Variants in ATCAY observed in about 807,000 individuals in gnomAD.
ATCAY encodes the protein caytaxin.
A neutral mutation model predicts 47.7 loss-of-function variants in ATCAY; 22 were observed. That is an observed-to-expected ratio of 0.46 (90% CI 0.33 to 0.66). The LOEUF (loss-of-function observed/expected upper bound fraction) is 0.66, where lower values mean the gene tolerates loss of function less well. ATCAY is among the 30% of genes least tolerant of loss of function. ATCAY has a pLI of 0.02. For synonymous variants in ATCAY, 216 were observed against 207.6 expected (o/e 1.04, Z -0.35); for missense variants, 452 against 515.0 (o/e 0.88, Z 1.18).
rs1265421607 is a variant in ATCAY at position 3,905,521 on chromosome 19, G to A, written c.224G>A (p.Ser75Asn). ...APEINISLDQ[S>N]EGSLLSDDFL... is the part of the protein sequence containing the mutation. ...GAGATCAACATTTCTCTGGATCAGA[G>A]TGAGGGGTCCCTGCTGTCCGATGAC... Residue 75 changes from serine to asparagine, a missense_variant, in exon 4 of 13, where the codon AGT (serine) becomes AAT (asparagine). Physicochemically the swap from Ser to Asn is conservative, Grantham distance 46. Transcript: ENST00000450849. 3 of 1,614,002 alleles carry A rather than the reference G, an allele frequency of 1.9e-6. No homozygotes were observed. The highest frequency in any genetic ancestry group is 2.5e-6 in the Non-Finnish European group (3 of 1,179,878).
intron 2 of ATCAY, 45 bp from the exon 3 acceptor site, chr19:3,902,442 C>A: frequency 1.3e-6 from 2 of 1,548,348 alleles, no homozygotes; most frequent in Non-Finnish European, 1.7e-6. Context: ...CTGCCTGAAT[C>A]TCTGGTGCCC....
intron 2 of ATCAY, chr19:3,893,535 G>A (rs2038737692): frequency 6.6e-6 from 1 of 152,134 alleles, no homozygotes; most frequent in Non-Finnish European, 1.5e-5. Context: ...CGGCTCTGCA[G>A]AGGGCTAAGT....
intron 2 of ATCAY, among the ~76,000 whole-genome samples, chr19:3,896,579 T>C (rs1225301394): frequency 6.6e-6 from 1 of 151,832 alleles, no homozygotes; most frequent in Non-Finnish European, 1.5e-5. Context: ...AGATGCTTTC[T>C]ACAGCTTCAT....
In ATCAY at chr19:3,905,687, G is replaced by T. The variant is rs371048208; in HGVS notation, c.358+32G>T. The T allele has an allele frequency of 1.8e-5, 28 of 1,574,826 alleles. No individual in the cohort carries two copies. The African/African-American group carries it at 2.8e-4, about 16-fold the overall frequency. On this transcript the variant is annotated intron_variant, in intron 4 of 12. Transcript: ENST00000450849. ...TTCAGGGTCTCTCTGGGGCCTGCTGGAGCCCACCCCCCCCACCCCACCTTT... is the reference window on the plus strand; with the variant it reads ...TTCAGGGTCTCTCTGGGGCCTGCTGTAGCCCACCCCCCCCACCCCACCTTT...
intron 10 of ATCAY, among the ~76,000 whole-genome samples, chr19:3,918,384 C>CA (rs59895158): frequency 1.2e-3 from 165 of 140,818 alleles, no homozygotes; most frequent in Middle Eastern, 3.5e-3. Context: ...GACTCTGTCT[C>CA]AAAAAAAAAA....
intron 2 of ATCAY, among the ~76,000 whole-genome samples, chr19:3,887,671 A>G (rs957070741): frequency 1.3e-5 from 2 of 150,174 alleles, no homozygotes; most frequent in Non-Finnish European, 1.5e-5. Flanking sequence ...TATTTTTAGT[A>G]GAGACGGGGT....
intron 2 of ATCAY, among the ~76,000 whole-genome samples, chr19:3,899,084 C>T (rs765962645): frequency 3.9e-5 from 6 of 152,034 alleles, no homozygotes; most frequent in Non-Finnish European, 8.8e-5. Context: ...TTTGGGAATC[C>T]GCTCCATTTT....
intron 2 of ATCAY, among the ~76,000 whole-genome samples, chr19:3,892,384 A>G (rs2038725882): frequency 6.6e-6 from 1 of 151,772 alleles, no homozygotes; most frequent in South Asian, 2.1e-4. Context: ...TATTTTCTGT[A>G]GAGACAGGGT....
intron 10 of ATCAY, 85 bp from the exon 11 acceptor site, chr19:3,918,721 C>A (rs947002286): frequency 1.4e-5 from 20 of 1,445,726 alleles, no homozygotes; most frequent in Admixed American, 1.8e-5. Context: ...GACAGGAAAA[C>A]CAGAGAGGCC....
Position 3,913,740 on chromosome 19 carries a change from T to G in ATCAY, c.867-18T>G. ...ATGGGTTGCATTTCAGACCTCTCCC[T>G]CCTTCTCCCCCCGCCAGCGTCAAGT... On this transcript the variant is annotated intron_variant, in intron 8 of 12. Transcript: ENST00000450849. 6.2e-7 allele frequency: 1 copy of G among 1,610,760 alleles called. No individual in the cohort carries two copies. The highest frequency in any genetic ancestry group is 8.5e-7 in the Non-Finnish European group (1 of 1,177,658).
At chr19:3,911,263 G>T (rs866347684) in intron 8 of ATCAY, among the ~76,000 whole-genome samples, 1 of 152,164 alleles carries the variant, frequency 6.6e-6, no homozygotes, top group African/African-American at 2.4e-5. Context: ...CTACTTGGGA[G>T]GCTCACGTGG....
intron 9 of ATCAY, among the ~76,000 whole-genome samples, chr19:3,916,279 G>T (rs926184319): frequency 6.6e-6 from 1 of 152,102 alleles, no homozygotes; most frequent in Non-Finnish European, 1.5e-5. Flanking sequence ...ACCACATTTT[G>T]TCAATCCATT....
chr19:3,895,634 G>A (rs1321991727), intron 2 of ATCAY, among the ~76,000 whole-genome samples: 1 of 151,814 alleles, frequency 6.6e-6, no homozygotes, highest in Non-Finnish European at 1.5e-5. Flanking sequence ...ACTCTCTTAG[G>A]CATTCCCACC....
chr19:3,910,737 C>G, intron 7 of ATCAY, 66 bp from the exon 8 acceptor site: 2 of 1,547,252 alleles, frequency 1.3e-6, no homozygotes, highest in Non-Finnish European at 1.8e-6. Context: ...TCCCGTCCCA[C>G]CCAGCTCCTC....
At chr19:3,881,750 C>A (rs1049385628) in intron 1 of ATCAY, among the ~76,000 whole-genome samples, 2 of 151,722 alleles carry the variant, frequency 1.3e-5, no homozygotes, top group Non-Finnish European at 2.9e-5. Flanking sequence ...TGAGGTCACA[C>A]CCAGCTCAGT....
rs781753084 is a variant in ATCAY at position 3,909,620 on chromosome 19, G to A, written c.779+3G>A. 3 of 1,581,818 alleles carry A rather than the reference G, an allele frequency of 1.9e-6. No homozygotes were observed. The highest frequency in any genetic ancestry group is 2.3e-5 in the East Asian group (1 of 43,132). ...TGCTACCAGATGATCGACCGGAGGT[G>A]AGGTGGGGATGCCTCAGGAAGCACA... On this transcript the variant is annotated splice_donor_region_variant and intron_variant, in intron 7 of 12. Coordinates refer to ENST00000450849, the MANE Select transcript of ATCAY (RefSeq NM_033064.5).
intron 12 of ATCAY, among the ~76,000 whole-genome samples, chr19:3,924,382 G>T (rs1376155067): frequency 6.6e-6 from 1 of 152,152 alleles, no homozygotes. Flanking sequence ...GTTCTGCTGA[G>T]GCACCAGGAA....
At chr19:3,894,135 T>G (rs1599280383) in intron 2 of ATCAY, among the ~76,000 whole-genome samples, 1 of 151,898 alleles carries the variant, frequency 6.6e-6, no homozygotes, top group African/African-American at 2.4e-5. Flanking sequence ...GGAGGATCAC[T>G]TGAGCCCAGG....
chr19:3,888,486 C>G (rs777681634), intron 2 of ATCAY, among the ~76,000 whole-genome samples: 1 of 151,618 alleles, frequency 6.6e-6, no homozygotes, highest in Non-Finnish European at 1.5e-5. Flanking sequence ...AAAAATTAGT[C>G]GGGCGTGGTG....
Sources: gnomAD v4.1 joint callset for allele counts (sites outside exome capture counted in the v4.1 genomes callset) on GRCh38, gnomAD v4.1.1 for gene constraint, MANE v1.5 for transcripts, NCBI Gene and HGNC (gene_info 2026-07-23, HGNC 2026-07-21) for gene names.